The following ADAM8 variants were observed in gnomAD, a reference collection of about 807,000 sequenced individuals.
ADAM8 encodes the protein ADAM metallopeptidase domain 8.
A neutral mutation model predicts 102.4 loss-of-function variants in ADAM8; 104 were observed. The observed-to-expected ratio is 1.02, with a 90% CI of 0.87 to 1.20. ADAM8 has a LOEUF of 1.20. Ranked by LOEUF, ADAM8 falls within the 50% of genes most tolerant of loss-of-function variation. The pLI is 0.00. For synonymous variants in ADAM8, 517 were observed against 485.2 expected (o/e 1.07, Z -0.86); for missense variants, 1,132 against 1,159.0 (o/e 0.98, Z 0.34).
rs1420937313 is a variant in ADAM8, at chr10:133,275,259, T to TG, written c.150+224dup. Among the ~76,000 whole-genome samples the TG allele has an allele frequency of 3.2e-4, 48 of 151,982 alleles. 1 individual carries two copies. Among genetic ancestry groups the TG allele is most frequent in the Non-Finnish European group, 2.9e-5 (2 of 67,972 alleles). ...GCCCGGGGCCAGCACAACCTGCCCCTGCTCCCTTCCAGGGGTCCATAGAGC... is the reference window on the plus strand; with the variant it reads ...GCCCGGGGCCAGCACAACCTGCCCCTGGCTCCCTTCCAGGGGTCCATAGAGC... On this transcript the variant is annotated intron_variant, in intron 2 of 22. Transcript: ENST00000445355.
At chr10:133,263,647 A>G in intron 22 of ADAM8, 41 bp downstream of exon 22, 3 of 188,668 alleles carry the variant, frequency 1.6e-5, no homozygotes, top group Non-Finnish European at 2.2e-5. Flanking sequence ...CGTGCCGTCC[A>G]TTGCACAGTG....
rs1469988348 is a variant in ADAM8 at position 133,270,307 on chromosome 10, G to A, written c.1785+53C>T. On this transcript the variant is annotated intron_variant, in intron 16 of 22. Coordinates refer to ENST00000445355, the MANE Select transcript of ADAM8 (RefSeq NM_001109.5). ...AGAAACGCATCTGCACCCACGTGGG[G>A]CACATGCCCGGGATGCCTGGGGGGT... is the stretch of plus-strand genomic sequence containing the variant. 8.4e-6 allele frequency: 13 copies of A among 1,547,526 alleles called. No individual in the cohort carries two copies. The African/African-American group carries it at 1.4e-4, about 16-fold the overall frequency.
chr10:133,263,634 G>GGCCGTGCCACTGTCAGCCCCGTGGGGAT, intron 22 of ADAM8, 54 bp downstream of exon 22: 4 of 1,485,524 alleles, frequency 2.7e-6, no homozygotes, highest in Non-Finnish European at 2.7e-6. Context: ...CCCGTGGGGA[G>GGCCGTGCCACTGTCAGCCCCGTGGGGAT]GCCGTGCCGT....
Position 133,263,000 on chromosome 10 carries a change from C to G in ADAM8, c.*156G>C, listed in dbSNP as rs1052148802. 1.2e-5 allele frequency: 11 copies of G among 892,224 alleles called. No individual in the cohort carries two copies. Among genetic ancestry groups the G allele is most frequent in the East Asian group, 1.2e-4 (5 of 41,004 alleles). The allele number at this position is 892,224 out of a possible 1,614,324, so 55.3% of individuals were successfully genotyped here. A position where few individuals can be genotyped will look rare whatever the true frequency, so the allele number is the denominator to read the frequency against. ...TGGCTGAGGGCGTGGACAGCAGGAG[C>G]CTCTCAGGTAGATGCATTCCTGAGG... On this transcript the variant is annotated 3_prime_UTR_variant, in exon 23 of 23. Transcript: ENST00000445355.
rs553240098 is a variant in ADAM8, at chr10:133,270,111, T to G, written c.1786-137A>C. 52 of 1,174,508 alleles carry G rather than the reference T, an allele frequency of 4.4e-5. 1 individual carries two copies. The South Asian group carries it at 7.0e-4, about 16-fold the overall frequency. 72.8% of individuals were successfully genotyped at this position (1,174,508 alleles called of 1,614,324 possible). On this transcript the variant is annotated intron_variant, in intron 16 of 22. Coordinates refer to ENST00000445355, the MANE Select transcript of ADAM8 (RefSeq NM_001109.5). ...GCTGTGCTTCAGCCCATCTGCCGGC[T>G]GCCTACCCCCAAAGCCCCTGGGAAG...
At chr10:133,265,098 T>G (rs1846284971) in intron 21 of ADAM8, among the ~76,000 whole-genome samples, 1 of 128,794 alleles carries the variant, frequency 7.8e-6, no homozygotes, top group Non-Finnish European at 1.6e-5. Flanking sequence ...CCCATCTACC[T>G]CCACGCCTGT....
At chr10:133,263,357 A>G in intron 22 of ADAM8, 124 bp from the exon 23 acceptor site, 1 of 941,780 alleles carries the variant, frequency 1.1e-6, no homozygotes, top group Non-Finnish European at 1.6e-6. Context: ...TCATCCACCA[A>G]CAACATGGCC....
chr10:133,269,078 G>A, intron 18 of ADAM8: 1 of 985,488 alleles, frequency 1.0e-6, no homozygotes, highest in Non-Finnish European at 1.2e-6. Flanking sequence ...TGTGGGCACG[G>A]CTGTGCCTTT....
chr10:133,274,668 G>C, intron 2 of ADAM8: 1 of 294,202 alleles, frequency 3.4e-6, no homozygotes, highest in South Asian at 2.5e-5. Context: ...CCCCGAGAAA[G>C]CATAGGGTGG....
At chr10:133,275,125 C>T in intron 2 of ADAM8, 1 of 329,154 alleles carries the variant, frequency 3.0e-6, no homozygotes, top group Non-Finnish European at 5.6e-6. Flanking sequence ...GAAACCCCCG[C>T]CAGGCCCCCC....
chr10:133,272,350 C>T, intron 9 of ADAM8, 66 bp downstream of exon 9: 1 of 1,374,954 alleles, frequency 7.3e-7, no homozygotes, highest in Non-Finnish European at 9.8e-7. Context: ...CCTGCTCTCC[C>T]TTCCACCCCA....
At chr10:133,269,405 T>A in intron 18 of ADAM8, 40 bp downstream of exon 18, 1 of 1,473,590 alleles carries the variant, frequency 6.8e-7, no homozygotes, top group Non-Finnish European at 9.0e-7. Context: ...CCCTCTGAGC[T>A]TGGACCCCAG....
At chr10:133,267,443 G>C (rs1337669355) in intron 20 of ADAM8, 26 bp from the exon 21 acceptor site, 2 of 1,594,000 alleles carry the variant, frequency 1.3e-6, no homozygotes. Flanking sequence ...CCGAGAGCCT[G>C]GGTCAGAGCT....
chr10:133,268,970 G>A, intron 18 of ADAM8, 108 bp from the exon 19 acceptor site: 1 of 1,505,058 alleles, frequency 6.6e-7, no homozygotes, highest in Non-Finnish European at 8.8e-7. Context: ...GCTGTGCCCT[G>A]TGGACCCCTC....
intron 1 of ADAM8, 35 bp from the exon 2 acceptor site, chr10:133,275,622 G>A (rs760813522): frequency 1.2e-5 from 15 of 1,229,194 alleles, no homozygotes; most frequent in Admixed American, 7.1e-5. Flanking sequence ...ATGAGGGGCC[G>A]GGGGGCAGGT....
rs1259589050 is a variant in ADAM8 at position 133,272,457 on chromosome 10, T to C, written c.834A>G (p.Gln278=). 14 of 1,610,246 alleles carry C rather than the reference T, an allele frequency of 8.7e-6. No homozygotes were observed. The highest frequency in any genetic ancestry group is 1.2e-5 in the Non-Finnish European group (14 of 1,179,206). Residue 278 remains glutamine, a synonymous_variant, in exon 9 of 23, where the codon CAA becomes CAG. Coordinates refer to ENST00000445355, the MANE Select transcript of ADAM8 (RefSeq NM_001109.5). The stretch of plus-strand genomic sequence containing the variant: ...TGTCATGCAGGTGCCGCCGTGTCCG[T>C]TGCCGTGCCTGCCAGGTCAGGAGGT... ...LENLLTWQAR[Q]RTRRHLHDNV... is the part of the protein sequence containing the mutation.
At chr10:133,275,338 G>A (rs553700207) in intron 2 of ADAM8, 146 bp downstream of exon 2, 9 of 605,574 alleles carry the variant, frequency 1.5e-5, no homozygotes, top group Non-Finnish European at 2.3e-5. Context: ...AGGGAGGAAC[G>A]GAGATGGGCC....
chr10:133,271,281 C>T lies in ADAM8; in HGVS notation c.1293G>A (p.Arg431=), dbSNP rs142847500. 4.9e-5 allele frequency: 79 copies of T among 1,610,214 alleles called. No homozygotes were observed. In the African/African-American group the frequency reaches 1.0e-3, roughly 21 times the overall value. The change falls in exon 13 of 23, where the codon CGG becomes CGA. Residue 431 remains arginine (R), a synonymous_variant. Coordinates refer to ENST00000445355, the MANE Select transcript of ADAM8 (RefSeq NM_001109.5). ...AGGTGGTAGAGTTGCAGCAGCGGTT[C>T]CGGCAGTCCTGGGGCGACGGCAAAG... is the stretch of plus-strand genomic sequence containing the variant. ...QCDCGPPEDC[R]NRCCNSTTCQ...
In ADAM8 at chr10:133,276,752, G is replaced by C; in HGVS notation, c.46+20C>G. Reference sequence around the variant, plus strand: ...CCCTGCCCCGCGCTGCGCCCGGGACGGTTCCCTGGAACCACTCACCAGGCA... The same window carrying C: ...CCCTGCCCCGCGCTGCGCCCGGGACCGTTCCCTGGAACCACTCACCAGGCA... On this transcript the variant is annotated intron_variant, in intron 1 of 22. Transcript: ENST00000445355. The C allele has an allele frequency of 1.3e-6, 2 of 1,533,272 alleles. No individual in the cohort carries two copies. Among genetic ancestry groups the C allele is most frequent in the Non-Finnish European group, 1.8e-6 (2 of 1,142,508 alleles). 95.0% of individuals were successfully genotyped at this position (1,533,272 alleles called of 1,614,324 possible).
Sources: gnomAD v4.1 joint callset for allele counts (sites outside exome capture counted in the v4.1 genomes callset) on GRCh38, gnomAD v4.1.1 for gene constraint, MANE v1.5 for transcripts, NCBI Gene and HGNC (gene_info 2026-07-23, HGNC 2026-07-21) for gene names.